The following PIGU variants were observed in gnomAD, a reference collection of about 807,000 sequenced individuals.
PIGU encodes phosphatidylinositol glycan anchor biosynthesis class U, also known as GPI-anchor transamidase component PIGU.
PIGU carries 24 observed loss-of-function variants against 49.9 expected under a neutral mutation model. The observed-to-expected ratio is 0.48, with a 90% confidence interval of 0.35 to 0.68. PIGU has a LOEUF of 0.68. PIGU is among the 30% of genes least tolerant of loss of function. The probability of loss-of-function intolerance (pLI) is 0.01; values close to 1 mark genes in which losing one functional copy is unlikely to be tolerated. For synonymous variants in PIGU, 220 were observed against 205.7 expected (o/e 1.07, Z -0.59); for missense variants, 490 against 532.6 (o/e 0.92, Z 0.79).
intron 7 of PIGU, among the ~76,000 whole-genome samples, chr20:34,601,705 T>C (rs1361462197): frequency 6.6e-6 from 1 of 152,220 alleles, no homozygotes; most frequent in Non-Finnish European, 1.5e-5. Flanking sequence ...TCCCAAAAAC[T>C]TGACTTGTGT....
At chr20:34,632,619 C>A (rs541304697) in intron 6 of PIGU, among the ~76,000 whole-genome samples, 5 of 152,226 alleles carry the variant, frequency 3.3e-5, no homozygotes, top group Non-Finnish European at 7.4e-5. Context: ...CCTGCCTTGG[C>A]CTCCCAAAGT....
At chr20:34,599,150 C>T (rs1984313502) in intron 7 of PIGU, among the ~76,000 whole-genome samples, 1 of 152,132 alleles carries the variant, frequency 6.6e-6, no homozygotes, top group South Asian at 2.1e-4. Flanking sequence ...CAGTAAGACA[C>T]TAATCTCACC....
chr20:34,668,506 C>A (rs1315730868), intron 1 of PIGU, among the ~76,000 whole-genome samples: 3 of 133,962 alleles, frequency 2.2e-5, no homozygotes, highest in African/African-American at 8.4e-5. Flanking sequence ...CGTGCTGGCT[C>A]ACACCCGTAA....
intron 7 of PIGU, among the ~76,000 whole-genome samples, chr20:34,598,730 C>G (rs1426961050): frequency 6.6e-6 from 1 of 152,216 alleles, no homozygotes; most frequent in East Asian, 1.9e-4. Context: ...GGAGTCACAT[C>G]AGGCAACCAG....
intron 11 of PIGU, among the ~76,000 whole-genome samples, chr20:34,565,748 C>T (rs533449629): frequency 2.8e-4 from 43 of 152,090 alleles, no homozygotes; most frequent in Middle Eastern, 3.4e-3. Flanking sequence ...TGCACACACA[C>T]GCACACTCAC....
rs368265843 is a variant in PIGU at position 34,581,531 on chromosome 20, G to A, written c.1051+17C>T. On this transcript the variant is annotated intron_variant, in intron 10 of 11. Transcript: ENST00000217446. ...CCCAGGCTGACACAAATCTGTGGCA[G>A]AGGCGGGAGTACTCACATCTGTAGA... 6.2e-7 allele frequency: 1 copy of A among 1,605,158 alleles called. No homozygotes were observed. Among genetic ancestry groups the A allele is most frequent in the African/African-American group, 1.3e-5 (1 of 74,790 alleles).
At chr20:34,595,134 A>G (rs1984152114) in intron 7 of PIGU, among the ~76,000 whole-genome samples, 1 of 151,150 alleles carries the variant, frequency 6.6e-6, no homozygotes. Flanking sequence ...GAAAATATAC[A>G]TATATACATG....
chr20:34,666,710 T>G (rs1360307743), intron 1 of PIGU, among the ~76,000 whole-genome samples: 2 of 129,856 alleles, frequency 1.5e-5, no homozygotes, highest in East Asian at 4.0e-4. Context: ...TTTTTTTTTT[T>G]TTTTGAGACA....
intron 1 of PIGU, among the ~76,000 whole-genome samples, chr20:34,675,091 A>G (rs1987453557): frequency 6.6e-6 from 1 of 151,746 alleles, no homozygotes; most frequent in Non-Finnish European, 1.5e-5. Flanking sequence ...TCTACTAAAA[A>G]TACAAAATTA....
chr20:34,596,071 C>T (rs1984187538), intron 7 of PIGU, among the ~76,000 whole-genome samples: 1 of 152,190 alleles, frequency 6.6e-6, no homozygotes, highest in Non-Finnish European at 1.5e-5. Flanking sequence ...GTGGAGAAAC[C>T]TGGCAGACAC....
rs111800192 is a variant in PIGU, at chr20:34,631,947, C to T, written c.529+2668G>A. On this transcript the variant is annotated intron_variant, in intron 6 of 11. Coordinates refer to ENST00000217446, the MANE Select transcript of PIGU (RefSeq NM_080476.5). ...CTTAACCTCCTGGGCTCAAGTGACC[C>T]TCCTGCCTCAGCCACCCAAGTAGCT... Among the ~76,000 whole-genome samples, 249 of 150,028 alleles carry T rather than the reference C, an allele frequency of 1.7e-3. 2 individuals carry two copies. The highest frequency in any genetic ancestry group is 5.7e-3 in the African/African-American group (233 of 40,930).
At position 34,566,613 on chromosome 20, in the gene PIGU, A is replaced by T. The variant is rs149078820; in HGVS notation, c.1195-5634T>A. On this transcript the variant is annotated intron_variant, in intron 11 of 11. Transcript: ENST00000217446. ...TGCCCTGGTCCAGGCCCTTTAACAA[A>T]AAAACAATATTGTCCCTTTCCAACC... Among the ~76,000 whole-genome samples the T allele has an allele frequency of 4.6e-3, 697 of 152,296 alleles. 5 individuals carry two copies. The highest frequency in any genetic ancestry group is 0.016 in the African/African-American group (662 of 41,554).
At chr20:34,615,151 G>A (rs1984959640) in intron 7 of PIGU, among the ~76,000 whole-genome samples, 2 of 152,144 alleles carry the variant, frequency 1.3e-5, no homozygotes, top group South Asian at 4.1e-4. Context: ...GCTAACACTA[G>A]ACTAATATTT....
intron 3 of PIGU, among the ~76,000 whole-genome samples, chr20:34,644,540 T>C (rs1009435455): frequency 4.6e-5 from 7 of 152,192 alleles, no homozygotes; most frequent in African/African-American, 1.7e-4. Context: ...ATGCCTGATG[T>C]ATGTCAAGTG....
chr20:34,566,594 G>A (rs1319167886), intron 11 of PIGU, among the ~76,000 whole-genome samples: 1 of 152,146 alleles, frequency 6.6e-6, no homozygotes, highest in East Asian at 1.9e-4. Context: ...TGTCTGCCCT[G>A]GTCCAGGCCC....
In PIGU at chr20:34,638,942, T is replaced by C. The variant is rs532774621; in HGVS notation, c.319-957A>G. On this transcript the variant is annotated intron_variant, in intron 4 of 11. Transcript: ENST00000217446. ...TGATCAAAGAATCTCATTTAGACAA[T>C]ATAAAATCAATGCTGCTATCTATTA... Among the ~76,000 whole-genome samples the C allele has an allele frequency of 6.6e-5, 10 of 152,216 alleles. No individual in the cohort carries two copies. The East Asian group carries it at 1.7e-3, about 26-fold the overall frequency.
intron 10 of PIGU, among the ~76,000 whole-genome samples, chr20:34,581,321 A>G (rs184850238): frequency 1.3e-5 from 2 of 152,224 alleles, no homozygotes; most frequent in African/African-American, 2.4e-5. Flanking sequence ...ACACTGTGAG[A>G]GCCACAGTGG....
In PIGU at chr20:34,581,706, G is replaced by A. The variant is rs1391574759; in HGVS notation, c.927-34C>T. 10 of 1,564,596 alleles carry A rather than the reference G, an allele frequency of 6.4e-6. No individual in the cohort carries two copies. In the Middle Eastern group the frequency reaches 7.1e-4, roughly 111 times the overall value. ...GGGCAGGGGAAAGAGAGAGAGAGAT[G>A]AGTCAGGGACCAGGCCTACCCTAGA... On this transcript the variant is annotated intron_variant, in intron 9 of 11. Coordinates refer to ENST00000217446, the MANE Select transcript of PIGU (RefSeq NM_080476.5).
intron 8 of PIGU, among the ~76,000 whole-genome samples, chr20:34,586,867 C>T (rs947453080): frequency 6.6e-6 from 1 of 152,164 alleles, no homozygotes; most frequent in African/African-American, 2.4e-5. Context: ...CAGTTAGAGG[C>T]TGGTATTTGC....
Sources: allele counts gnomAD v4.1 joint callset (sites outside exome capture counted in the v4.1 genomes callset), GRCh38; gene constraint gnomAD v4.1.1; transcripts MANE v1.5; gene names NCBI Gene and HGNC (gene_info 2026-07-23, HGNC 2026-07-21).